The following DLGAP5 variants were observed in gnomAD, a reference collection of about 807,000 sequenced individuals.
DLGAP5 encodes DLG associated protein 5.
In DLGAP5, 90 loss-of-function variants were observed where a neutral mutation model predicts 99.6. That is an observed-to-expected ratio of 0.90 (90% CI 0.76 to 1.08). The LOEUF is 1.08. Among genes scored for constraint, DLGAP5 ranks in the 50% least tolerant of loss-of-function variants. The pLI, the probability that DLGAP5 is intolerant of heterozygous loss-of-function variation, is 0.00. For missense variants in DLGAP5, 1,036 were observed against 983.5 expected (o/e 1.05, Z -0.71); for synonymous variants, 311 against 321.3 (o/e 0.97, Z 0.34).
chr14:55,180,628 C>G (rs746340146), intron 6 of DLGAP5, 28 bp downstream of exon 6: 1 of 1,613,126 alleles, frequency 6.2e-7, no homozygotes, highest in Non-Finnish European at 8.5e-7. Flanking sequence ...CATTCTAGTT[C>G]AGTCACTGAT....
intron 10 of DLGAP5, among the ~76,000 whole-genome samples, 164 bp from the exon 11 acceptor site, chr14:55,170,951 C>T (rs2140318450): frequency 6.6e-6 from 1 of 152,284 alleles, no homozygotes; most frequent in East Asian, 1.9e-4. Flanking sequence ...ATATTAAAAT[C>T]CATAAATACA....
intron 6 of DLGAP5, among the ~76,000 whole-genome samples, chr14:55,180,049 A>G (rs948480011): frequency 4.6e-5 from 7 of 152,150 alleles, no homozygotes; most frequent in Admixed American, 2.0e-4. Context: ...AAATGCTCCA[A>G]GAGCATTTCC....
Position 55,182,446 on chromosome 14 carries a change from AAAG to A in DLGAP5, c.433-17_433-15del. The A allele has an allele frequency of 6.3e-7, 1 of 1,594,334 alleles. No homozygotes were observed. Reference sequence around the variant, plus strand: ...AGATGGAATAGCCTTAGAACAGTCAAAAGAAGATGAACTTAAAATATGAACTGG... The same window carrying A: ...AGATGGAATAGCCTTAGAACAGTCAAAAGATGAACTTAAAATATGAACTGG... On this transcript the variant is annotated splice_polypyrimidine_tract_variant and intron_variant, in intron 3 of 18. Transcript: ENST00000247191.
chr14:55,171,283 G>A (rs1002011874), intron 10 of DLGAP5, among the ~76,000 whole-genome samples: 5 of 152,094 alleles, frequency 3.3e-5, no homozygotes, highest in African/African-American at 1.2e-4. Context: ...CCCATTCTAG[G>A]GAACATTTGG....
At chr14:55,171,120 C>T (rs910736853) in intron 10 of DLGAP5, among the ~76,000 whole-genome samples, 1 of 152,142 alleles carries the variant, frequency 6.6e-6, no homozygotes, top group Non-Finnish European at 1.5e-5. Context: ...AGATTCTCAG[C>T]ATTGTCTATG....
intron 7 of DLGAP5, among the ~76,000 whole-genome samples, chr14:55,178,785 G>T (rs867621060): frequency 6.6e-5 from 10 of 152,140 alleles, no homozygotes; most frequent in Non-Finnish European, 4.4e-5. Context: ...GGTGGCTCAC[G>T]CCTGTAATCC....
chr14:55,148,816 G>C, intron 18 of DLGAP5: 1 of 343,586 alleles, frequency 2.9e-6, no homozygotes, highest in Non-Finnish European at 5.6e-6. Context: ...TTATTGGAAA[G>C]GTATATTCAG....
At chr14:55,176,153 G>A in intron 8 of DLGAP5, 135 bp from the exon 9 acceptor site, 2 of 710,380 alleles carry the variant, frequency 2.8e-6, no homozygotes, top group Non-Finnish European at 4.3e-6. Flanking sequence ...GTGTATTCTG[G>A]AGGGGAGAAA....
chr14:55,163,074 A>G lies in DLGAP5; in HGVS notation c.1550T>C (p.Ile517Thr). The G allele has an allele frequency of 6.3e-7, 1 of 1,580,528 alleles. No individual in the cohort carries two copies. The highest frequency in any genetic ancestry group is 1.2e-5 in the South Asian group (1 of 85,458). The change falls in exon 13 of 19, where the codon ATA becomes ACA. Residue 517 changes from isoleucine (I) to threonine (T), a missense_variant and splice_region_variant. Transcript: ENST00000247191. The stretch of plus-strand genomic sequence containing the variant: ...GTTGAATTTGTGGATTACATCTTCT[A>G]TCTGTTAATAAAGCACAAGTTTACC... ...DGFWDMVSFQ[I>T]EDVIHKFNNL... is the part of the protein sequence containing the mutation.
chr14:55,168,053 G>A (rs138767531), intron 12 of DLGAP5, among the ~76,000 whole-genome samples: 42 of 152,112 alleles, frequency 2.8e-4, no homozygotes, highest in African/African-American at 9.2e-4. Context: ...ACTGGTCCAT[G>A]TAATTTTCTT....
chr14:55,187,722 A>C (rs978983420), intron 2 of DLGAP5, among the ~76,000 whole-genome samples: 1 of 151,956 alleles, frequency 6.6e-6, no homozygotes, highest in Non-Finnish European at 1.5e-5. Context: ...CTGAAGCTTC[A>C]AACTCCTGAG....
At chr14:55,171,871 A>C (rs906006525) in intron 10 of DLGAP5, among the ~76,000 whole-genome samples, 1 of 152,218 alleles carries the variant, frequency 6.6e-6, no homozygotes, top group African/African-American at 2.4e-5. Flanking sequence ...CAAGACAAAT[A>C]CTACATAATT....
chr14:55,179,748 A>C (rs1310017150), intron 6 of DLGAP5, 49 bp from the exon 7 acceptor site: 1 of 1,452,818 alleles, frequency 6.9e-7, no homozygotes, highest in African/African-American at 1.4e-5. Context: ...ATGCTACATG[A>C]AAATACTAGG....
chr14:55,158,311 C>T (rs990002331), intron 14 of DLGAP5, among the ~76,000 whole-genome samples: 6 of 152,140 alleles, frequency 3.9e-5, no homozygotes, highest in South Asian at 2.1e-4. Context: ...GAAGACTTAT[C>T]GCACTTAAAC....
chr14:55,176,613 GA>G (rs33953788), intron 8 of DLGAP5, among the ~76,000 whole-genome samples: 43,180 of 151,778 alleles, frequency 0.28, 11,760 homozygotes, highest in African/African-American at 0.72. Context: ...TTTTTTTAAA[GA>G]AAAAAATTGC....
intron 2 of DLGAP5, among the ~76,000 whole-genome samples, chr14:55,187,931 T>C (rs1883484507): frequency 6.6e-6 from 1 of 152,210 alleles, no homozygotes; most frequent in Non-Finnish European, 1.5e-5. Context: ...TTCTACCCAG[T>C]TACCTACTTG....
At chr14:55,154,871 T>C (rs1277564307) in intron 14 of DLGAP5, 65 bp from the exon 15 acceptor site, 3 of 1,419,390 alleles carry the variant, frequency 2.1e-6, no homozygotes, top group Non-Finnish European at 2.9e-6. Context: ...TAACTAGGAA[T>C]ACGGTGAAAA....
chr14:55,185,260 C>G (rs567418519), intron 2 of DLGAP5, among the ~76,000 whole-genome samples: 5 of 152,236 alleles, frequency 3.3e-5, no homozygotes, highest in Non-Finnish European at 7.3e-5. Flanking sequence ...AATGCAGCGG[C>G]GTGATCTCGG....
intron 10 of DLGAP5, among the ~76,000 whole-genome samples, chr14:55,172,630 C>A (rs1882900964): frequency 6.6e-6 from 1 of 151,550 alleles, no homozygotes; most frequent in Admixed American, 6.6e-5. Flanking sequence ...TCTCAAAAAA[C>A]AGAAACAAAA....
Sources: allele counts gnomAD v4.1 joint callset (sites outside exome capture counted in the v4.1 genomes callset), GRCh38; gene constraint gnomAD v4.1.1; transcripts MANE v1.5; gene names NCBI Gene and HGNC (gene_info 2026-07-23, HGNC 2026-07-21).